FAM163A: variants seen among roughly 807,000 people sequenced by gnomAD.
The protein encoded by FAM163A is family with sequence similarity 163 member A, also known as protein FAM163A.
Under a neutral mutation model 12.0 loss-of-function variants are expected in FAM163A, and 7 were observed. The observed-to-expected ratio is 0.58, with a 90% confidence interval of 0.33 to 1.10. The LOEUF (loss-of-function observed/expected upper bound fraction) is 1.10. Ranked by LOEUF, FAM163A falls within the 50% of genes least tolerant of loss-of-function variation. FAM163A has a pLI of 0.03. For missense variants in FAM163A, 202 were observed against 218.6 expected, an observed-to-expected ratio of 0.92 and a Z score of 0.48; for synonymous variants, 101 against 91.0, an observed-to-expected ratio of 1.11 and a Z score of -0.62.
rs200448132 is a variant in FAM163A at position 179,805,126 on chromosome 1, G to GA, written c.-135-2664dup. 4.0e-5 allele frequency among the ~76,000 whole-genome samples: 6 copies of GA among 151,872 alleles called. No homozygotes were observed. In the East Asian group the frequency reaches 1.2e-3, roughly 29 times the overall value. ...TGGGAGAAATCTTCCCCTGCCCCTA[G>GA]AAAAAAAACTTGGCCCAATCCCATT... On this transcript the variant is annotated intron_variant, in intron 1 of 4. Transcript: ENST00000341785.
chr1:179,773,689 G>A (rs2148129257), intron 1 of FAM163A, among the ~76,000 whole-genome samples: 1 of 152,320 alleles, frequency 6.6e-6, no homozygotes, highest in East Asian at 1.9e-4. Context: ...GCAGTAAGGT[G>A]CTTCCCAAGC....
intron 1 of FAM163A, among the ~76,000 whole-genome samples, chr1:179,764,658 G>T (rs527425865): frequency 5.3e-5 from 8 of 152,154 alleles, no homozygotes; most frequent in Non-Finnish European, 7.3e-5. Flanking sequence ...CGCCCTAGAG[G>T]TATGTAACTG....
the FAM163A span, among the ~76,000 whole-genome samples, chr1:179,735,145 AAAC>A: frequency 7.9e-4 from 121 of 152,342 alleles, no homozygotes; most frequent in African/African-American, 2.9e-3. Context: ...CCCCCAGATT[AAAC>A]AATAACAATA....
chr1:179,806,149 C>G (rs16854763), intron 1 of FAM163A, among the ~76,000 whole-genome samples: 4,490 of 152,296 alleles, frequency 0.029, 244 homozygotes, highest in African/African-American at 0.1. Context: ...GTGAAAGCAT[C>G]CACGGATCCT....
the FAM163A span, among the ~76,000 whole-genome samples, chr1:179,728,446 G>C: frequency 6.6e-6 from 1 of 152,112 alleles, no homozygotes; most frequent in African/African-American, 2.4e-5. Flanking sequence ...AGAGTGCTTT[G>C]GGGGTGCTGC....
intron 1 of FAM163A, among the ~76,000 whole-genome samples, chr1:179,766,260 TG>T (rs1687482448): frequency 6.6e-6 from 1 of 152,204 alleles, no homozygotes. Context: ...TAACCTAACT[TG>T]CCCTCCGCTT....
At chr1:179,733,181 T>C in the FAM163A span, among the ~76,000 whole-genome samples, 1 of 152,154 alleles carries the variant, frequency 6.6e-6, no homozygotes, top group Non-Finnish European at 1.5e-5. Flanking sequence ...TGTACAACCT[T>C]AATACATAGG....
At chr1:179,739,648 C>T (rs575920315), upstream of FAM163A, among the ~76,000 whole-genome samples, 3 of 152,240 alleles carry the variant, frequency 2.0e-5, no homozygotes, top group East Asian at 5.8e-4. Context: ...AAAGACTGGA[C>T]ACCCCTTATC....
chr1:179,775,419 G>A (rs146221838), intron 1 of FAM163A, among the ~76,000 whole-genome samples: 2 of 152,236 alleles, frequency 1.3e-5, no homozygotes, highest in Non-Finnish European at 2.9e-5. Flanking sequence ...TTTGCAAAGG[G>A]AGTAGCCTCT....
chr1:179,735,492 A>ATTTT, the FAM163A span, among the ~76,000 whole-genome samples: 11 of 58,388 alleles, frequency 1.9e-4, no homozygotes, highest in African/African-American at 7.7e-4. Flanking sequence ...AAGGAGTTAC[A>ATTTT]TTCTTTTTTT....
intron 1 of FAM163A, among the ~76,000 whole-genome samples, chr1:179,757,760 C>T (rs551092296): frequency 2.0e-5 from 3 of 152,244 alleles, no homozygotes; most frequent in African/African-American, 7.2e-5. Context: ...TGCAGTGAGC[C>T]GAGATTGCGC....
At chr1:179,764,755 G>A (rs1047430960) in intron 1 of FAM163A, among the ~76,000 whole-genome samples, 5 of 152,150 alleles carry the variant, frequency 3.3e-5, no homozygotes, top group Non-Finnish European at 7.3e-5. Context: ...CACATGCTAG[G>A]GTACAAGTCC....
At chr1:179,729,551 C>T in the FAM163A span, among the ~76,000 whole-genome samples, 1 of 152,164 alleles carries the variant, frequency 6.6e-6, no homozygotes, top group Non-Finnish European at 1.5e-5. Context: ...TGAGAAGGCT[C>T]CTAGTTGCCT....
At chr1:179,741,208 G>T (rs1281848789), upstream of FAM163A, among the ~76,000 whole-genome samples, 1 of 152,198 alleles carries the variant, frequency 6.6e-6, no homozygotes, top group Non-Finnish European at 1.5e-5. Flanking sequence ...TGGTAATTAG[G>T]GATATGAAAC....
chr1:179,743,600 C>CGCG (rs1367339548), intron 1 of FAM163A, among the ~76,000 whole-genome samples, 177 bp downstream of exon 1: 2 of 152,178 alleles, frequency 1.3e-5, no homozygotes, highest in Non-Finnish European at 2.9e-5. Context: ...CTCTGCCCAC[C>CGCG]GCGCCGCCTT....
chr1:179,761,198 C>T (rs1426585359), intron 1 of FAM163A, among the ~76,000 whole-genome samples: 1 of 152,202 alleles, frequency 6.6e-6, no homozygotes, highest in Admixed American at 6.5e-5. Context: ...GAGGGTATCG[C>T]AAAATGTTAG....
the FAM163A span, among the ~76,000 whole-genome samples, chr1:179,729,559 C>T: frequency 6.6e-6 from 1 of 152,196 alleles, no homozygotes; most frequent in Non-Finnish European, 1.5e-5. Flanking sequence ...CTCCTAGTTG[C>T]CTGTAACAGT....
At chr1:179,770,769 G>A (rs1688169727) in intron 1 of FAM163A, among the ~76,000 whole-genome samples, 1 of 151,716 alleles carries the variant, frequency 6.6e-6, no homozygotes, top group East Asian at 1.9e-4. Context: ...CTCTCCCCAA[G>A]TCAGGTTGGT....
intron 1 of FAM163A, among the ~76,000 whole-genome samples, chr1:179,779,910 A>C (rs1689494356): frequency 6.6e-6 from 1 of 152,256 alleles, no homozygotes; most frequent in Admixed American, 6.5e-5. Context: ...ATAGATTTGA[A>C]ATACCAGCCC....
Sources: gnomAD v4.1 joint callset for allele counts (sites outside exome capture counted in the v4.1 genomes callset) on GRCh38, gnomAD v4.1.1 for gene constraint, MANE v1.5 for transcripts, NCBI Gene and HGNC (gene_info 2026-07-23, HGNC 2026-07-21) for gene names.